FAXC: variants seen among roughly 807,000 people sequenced by gnomAD.
FAXC encodes the protein failed axon connections homolog.
In FAXC, 10 loss-of-function variants were observed where a neutral mutation model predicts 41.9. The ratio of observed to expected loss-of-function variants is 0.24; its 90% CI spans 0.15 to 0.41. FAXC has a LOEUF of 0.41. Among genes scored for constraint, FAXC ranks in the 10% least tolerant of loss-of-function variants. The pLI is 1.00. For missense variants in FAXC, 399 were observed against 510.9 expected, an observed-to-expected ratio of 0.78 and a Z score of 2.11; for synonymous variants, 183 against 183.8, an observed-to-expected ratio of 1.00 and a Z score of 0.03.
chr6:99,293,285 C>A (rs1023636279), intron 4 of FAXC, among the ~76,000 whole-genome samples: 3 of 152,212 alleles, frequency 2.0e-5, no homozygotes, highest in African/African-American at 7.2e-5. Flanking sequence ...TGGGGACCAC[C>A]CCCATTCCCC....
At chr6:99,316,710 A>G (rs2128458123) in intron 4 of FAXC, among the ~76,000 whole-genome samples, 1 of 152,336 alleles carries the variant, frequency 6.6e-6, no homozygotes, top group African/African-American at 2.4e-5. Flanking sequence ...AGCAACCTAC[A>G]GATTTTCTAT....
chr6:99,335,057 ATAAT>A (rs1773167998), intron 2 of FAXC, among the ~76,000 whole-genome samples: 2 of 152,214 alleles, frequency 1.3e-5, no homozygotes, highest in African/African-American at 4.8e-5. Flanking sequence ...ACCTTGTTAC[ATAAT>A]TATTTCCCCA....
At chr6:99,308,504 C>T (rs1270942907) in intron 4 of FAXC, among the ~76,000 whole-genome samples, 2 of 151,720 alleles carry the variant, frequency 1.3e-5, no homozygotes, top group African/African-American at 4.8e-5. Flanking sequence ...ACAGACCTAA[C>T]AATGTGCATA....
intron 4 of FAXC, among the ~76,000 whole-genome samples, chr6:99,312,324 C>T (rs1315580944): frequency 1.3e-5 from 2 of 152,236 alleles, no homozygotes; most frequent in East Asian, 1.9e-4. Flanking sequence ...GGTCCAGCCT[C>T]GGTCCACTGA....
intron 1 of FAXC, among the ~76,000 whole-genome samples, chr6:99,347,455 C>T (rs1372559434): frequency 6.6e-6 from 1 of 151,712 alleles, no homozygotes; most frequent in Non-Finnish European, 1.5e-5. Flanking sequence ...TAGGATTAAA[C>T]TCCTTAGTCC....
intron 4 of FAXC, among the ~76,000 whole-genome samples, chr6:99,317,942 C>T (rs1176872157): frequency 6.6e-6 from 1 of 151,780 alleles, no homozygotes; most frequent in African/African-American, 2.4e-5. Context: ...ATACACAGCA[C>T]ACAGAATCAC....
At chr6:99,281,534 T>G in intron 5 of FAXC, 81 bp from the exon 6 acceptor site, 1 of 1,134,980 alleles carries the variant, frequency 8.8e-7, no homozygotes, top group Non-Finnish European at 1.3e-6. Context: ...GCCCCAAAAC[T>G]CCAATGTTGA....
intron 4 of FAXC, among the ~76,000 whole-genome samples, chr6:99,293,213 A>T (rs1382386794): frequency 6.6e-6 from 1 of 152,200 alleles, no homozygotes; most frequent in African/African-American, 2.4e-5. Flanking sequence ...AAAGTGCATT[A>T]TACATTGCCT....
intron 4 of FAXC, among the ~76,000 whole-genome samples, chr6:99,313,154 G>C (rs1169045055): frequency 6.6e-6 from 1 of 152,168 alleles, no homozygotes; most frequent in Non-Finnish European, 1.5e-5. Context: ...TTAGCTGGGT[G>C]TGGTGGCACA....
Position 99,273,406 on chromosome 6 carries a change from G to C in FAXC, c.*7758C>G, listed in dbSNP as rs1468595250. The C allele has an allele frequency of 1.3e-5, 2 of 151,482 alleles. No homozygotes were observed. The highest frequency in any genetic ancestry group is 2.9e-5 in the Non-Finnish European group (2 of 67,954). The allele number at this position is 151,482 out of a possible 1,614,324, so 9.4% of individuals were successfully genotyped here. A position where few individuals can be genotyped will look rare whatever the true frequency, so the allele number is the denominator to read the frequency against. On this transcript the variant is annotated 3_prime_UTR_variant, in exon 6 of 6. Transcript: ENST00000389677. ...ATTATCAAAACATGTTTTTCAGATT[G>C]ATGCTGAAATTCACAGACAATACAT...
At chr6:99,312,716 T>C (rs1772196230) in intron 4 of FAXC, among the ~76,000 whole-genome samples, 1 of 152,206 alleles carries the variant, frequency 6.6e-6, no homozygotes, top group Non-Finnish European at 1.5e-5. Flanking sequence ...AATATTTTAG[T>C]ATTGAATTCT....
chr6:99,301,260 A>G (rs913526076), intron 4 of FAXC, among the ~76,000 whole-genome samples: 3 of 152,218 alleles, frequency 2.0e-5, no homozygotes, highest in African/African-American at 7.2e-5. Context: ...AGTATGCTGG[A>G]CATCATGTCA....
intron 4 of FAXC, among the ~76,000 whole-genome samples, chr6:99,294,891 T>C (rs1192138682): frequency 6.6e-6 from 1 of 152,172 alleles, no homozygotes; most frequent in East Asian, 1.9e-4. Context: ...ATTCGCCATC[T>C]GGCTTCGAAA....
intron 3 of FAXC, among the ~76,000 whole-genome samples, chr6:99,331,139 C>A (rs930786128): frequency 1.3e-5 from 2 of 152,202 alleles, no homozygotes; most frequent in Non-Finnish European, 2.9e-5. Context: ...GCATCTCAAT[C>A]AAGACCTTGC....
rs755140239 is a variant in FAXC at position 99,281,290 on chromosome 6, C to T, written c.1104G>A (p.Glu368=). Residue 368 remains glutamate, a synonymous_variant, in exon 6 of 6, where the codon GAG becomes GAA. Coordinates refer to ENST00000389677, the MANE Select transcript of FAXC (RefSeq NM_032511.4). The part of the protein sequence containing the change: ...LLDFSFYSRT[E]TFEDEGAENS... ...TTTCTGCTCCCTCATCTTCAAAGGTCTCTGTCCTTGAGTAAAAGCTAAAAT... is the reference window on the plus strand; with the variant it reads ...TTTCTGCTCCCTCATCTTCAAAGGTTTCTGTCCTTGAGTAAAAGCTAAAAT... 2.5e-6 allele frequency: 4 copies of T among 1,614,188 alleles called. No individual in the cohort carries two copies. Among genetic ancestry groups the T allele is most frequent in the Non-Finnish European group, 3.4e-6 (4 of 1,180,040 alleles).
intron 4 of FAXC, among the ~76,000 whole-genome samples, chr6:99,313,416 C>T (rs1344283228): frequency 6.6e-6 from 1 of 152,122 alleles, no homozygotes; most frequent in Non-Finnish European, 1.5e-5. Flanking sequence ...TAAGTATTCA[C>T]TTTTCTTATT....
intron 2 of FAXC, among the ~76,000 whole-genome samples, chr6:99,340,615 G>A (rs1279964095): frequency 6.8e-6 from 1 of 146,998 alleles, no homozygotes; most frequent in Non-Finnish European, 1.5e-5. Context: ...ACATACTAAA[G>A]TTTGTTGCCT....
In FAXC at chr6:99,328,768, C is replaced by A. The variant is rs138490568; in HGVS notation, c.599+4583G>T. On this transcript the variant is annotated intron_variant, in intron 3 of 5. Transcript: ENST00000389677. ...CCTTTTCTTGGTTCTTCAAACCCTC[C>A]CCCAGCATTAACCATTACAAAGCCT... 2.4e-3 allele frequency among the ~76,000 whole-genome samples: 363 copies of A among 152,276 alleles called. 2 individuals carry two copies. Among genetic ancestry groups the A allele is most frequent in the African/African-American group, 8.4e-3 (351 of 41,552 alleles).
At chr6:99,291,850 G>A (rs548825159) in intron 4 of FAXC, 30 bp from the exon 5 acceptor site, 1 of 1,531,640 alleles carries the variant, frequency 6.5e-7, no homozygotes, top group Admixed American at 1.7e-5. Context: ...GAAGTCAATG[G>A]GCTGGCCCAC....
Sources: allele counts gnomAD v4.1 joint callset (sites outside exome capture counted in the v4.1 genomes callset), GRCh38; gene constraint gnomAD v4.1.1; transcripts MANE v1.5; gene names NCBI Gene and HGNC (gene_info 2026-07-23, HGNC 2026-07-21).